PMPCB: variants seen among roughly 807,000 people sequenced by gnomAD.
The protein encoded by PMPCB is peptidase, mitochondrial processing subunit beta, also known as mitochondrial-processing peptidase subunit beta.
A neutral mutation model predicts 61.5 loss-of-function variants in PMPCB; 46 were observed. That is an observed-to-expected ratio of 0.75 (90% CI 0.59 to 0.96). The LOEUF (loss-of-function observed/expected upper bound fraction) is 0.96, where lower values mean the gene tolerates loss of function less well. Among genes scored for constraint, PMPCB ranks in the 40% least tolerant of loss-of-function variants. The pLI is 0.00. For missense variants in PMPCB, 590 were observed against 602.4 expected (o/e 0.98, Z 0.22); for synonymous variants, 191 against 201.6 (o/e 0.95, Z 0.44).
chr7:103,327,891 A>G (rs772675263), intron 12 of PMPCB: 11 of 551,756 alleles, frequency 2.0e-5, no homozygotes, highest in Admixed American at 3.5e-5. Context: ...TGCTTATTCA[A>G]TGTGAAAATT....
At chr7:103,311,311 A>C in intron 9 of PMPCB, 2 of 261,236 alleles carry the variant, frequency 7.7e-6, no homozygotes, top group Non-Finnish European at 1.4e-5. Context: ...TGTTTTCAGA[A>C]ACCAATGAAT....
At chr7:103,345,080 GA>G in the PMPCB span, 1 of 290,452 alleles carries the variant, frequency 3.4e-6, no homozygotes, top group Non-Finnish European at 6.3e-6. Flanking sequence ...AGTAAAAAAT[GA>G]AAATACCTGT....
intron 4 of PMPCB, among the ~76,000 whole-genome samples, chr7:103,301,981 G>T (rs1056981982): frequency 6.6e-6 from 1 of 152,054 alleles, no homozygotes; most frequent in African/African-American, 2.4e-5. Context: ...GCTCCGGTGT[G>T]TGATGTTCCC....
At chr7:103,320,535 C>T (rs1028913099) in intron 12 of PMPCB, among the ~76,000 whole-genome samples, 3 of 151,188 alleles carry the variant, frequency 2.0e-5, no homozygotes, top group East Asian at 2.0e-4. Flanking sequence ...CCGAGGCAGG[C>T]GGATCGTGAG....
intron 1 of PMPCB, chr7:103,297,851 G>A (rs959507861): frequency 6.7e-7 from 1 of 1,482,416 alleles, no homozygotes; most frequent in Admixed American, 2.1e-5. Context: ...TGCAAATTGG[G>A]GAAAACTAAA....
chr7:103,300,588 T>C (rs1285356948), intron 4 of PMPCB, among the ~76,000 whole-genome samples: 1 of 152,242 alleles, frequency 6.6e-6, no homozygotes, highest in African/African-American at 2.4e-5. Flanking sequence ...TTACCATGTT[T>C]GTAGACTGTT....
downstream of PMPCB, among the ~76,000 whole-genome samples, chr7:103,318,493 TA>T (rs1818197805): frequency 6.6e-6 from 1 of 152,220 alleles, no homozygotes; most frequent in Non-Finnish European, 1.5e-5. Context: ...CCCTGGTCAC[TA>T]AAACTTGTGG....
the PMPCB span, chr7:103,344,386 T>A: frequency 1.5e-6 from 1 of 662,290 alleles, no homozygotes; most frequent in South Asian, 1.9e-5. Context: ...TTCCTTCTAA[T>A]CTAGGGTAGG....
chr7:103,302,397 A>G (rs1817474700), intron 4 of PMPCB, among the ~76,000 whole-genome samples: 1 of 152,204 alleles, frequency 6.6e-6, no homozygotes, highest in Admixed American at 6.5e-5. Context: ...AAAGATTCAG[A>G]TTAAAACAGA....
At position 103,312,117 on chromosome 7, in the gene PMPCB, C is replaced by T. The variant is rs528042038; in HGVS notation, c.1391C>T (p.Ala464Val). The change falls in exon 12 of 13, where the codon GCT (alanine) becomes GTT (valine). Residue 464 changes from alanine to valine, a missense_variant. Transcript: ENST00000249269. ...CTKYIYNRSP[A>V]IAAVGPIKQL... ...AAATACATTTATAATAGGAGTCCAG[C>T]TATTGCTGCTGTTGGTAAGCCTGGC... The T allele has an allele frequency of 2.5e-6, 4 of 1,614,054 alleles. No individual in the cohort carries two copies. The highest frequency in any genetic ancestry group is 3.4e-6 in the Non-Finnish European group (4 of 1,179,972).
intron 12 of PMPCB, chr7:103,322,707 T>C: frequency 6.2e-7 from 1 of 1,612,448 alleles, no homozygotes; most frequent in Admixed American, 1.7e-5. Flanking sequence ...ACTTACCAAC[T>C]AATGTTCTTA....
chr7:103,328,086 A>AT (rs1383971423), intron 12 of PMPCB, among the ~76,000 whole-genome samples: 2 of 151,546 alleles, frequency 1.3e-5, no homozygotes, highest in East Asian at 2.0e-4. Flanking sequence ...ATGCCCAGCT[A>AT]TTTTTTTGTA....
chr7:103,346,757 C>G, the PMPCB span, among the ~76,000 whole-genome samples: 1 of 152,018 alleles, frequency 6.6e-6, no homozygotes, highest in Admixed American at 6.6e-5. Flanking sequence ...AGCATAATGT[C>G]TTCAAGGTTC....
At chr7:103,336,197 T>G in the PMPCB span, 1 of 152,190 alleles carries the variant, frequency 6.6e-6, no homozygotes, top group Non-Finnish European at 1.5e-5. Context: ...AACAGAAGCA[T>G]ATGAATGCTT....
chr7:103,311,490 T>C (rs1307873428), intron 9 of PMPCB, 153 bp from the exon 10 acceptor site: 1 of 615,212 alleles, frequency 1.6e-6, no homozygotes, highest in African/African-American at 1.9e-5. Flanking sequence ...AAATTAATAC[T>C]GGGGAAAATA....
chr7:103,323,884 TC>T (rs1328752744), intron 12 of PMPCB, among the ~76,000 whole-genome samples: 1 of 152,200 alleles, frequency 6.6e-6, no homozygotes, highest in Non-Finnish European at 1.5e-5. Context: ...TGCTATCTCT[TC>T]TTTGTTAGGT....
rs766909577 is a variant in PMPCB, at chr7:103,298,637, G to T, written c.169G>T (p.Glu57Ter). 17 of 1,613,820 alleles carry T rather than the reference G, an allele frequency of 1.1e-5. No homozygotes were observed. Among genetic ancestry groups the T allele is most frequent in the Non-Finnish European group, 1.4e-5 (17 of 1,179,682 alleles). Residue 57 changes from glutamate to a stop codon, truncating the protein, a stop_gained, in exon 2 of 13, where the codon GAA (glutamate) becomes TAA (stop). Transcript: ENST00000249269. LOFTEE classifies it high-confidence loss of function. ...AATQVVLNVP[E>*]TRVTCLESGL... ...TACCCAAGTTGTTCTGAATGTTCCT[G>T]AAACAAGAGTAACATGTTTAGAAAG...
At chr7:103,321,791 T>G in intron 12 of PMPCB, 1 of 877,884 alleles carries the variant, frequency 1.1e-6, no homozygotes, top group South Asian at 2.4e-5. Context: ...GAAATTGCGG[T>G]GAACTGAGAT....
the PMPCB span, chr7:103,337,904 G>A: frequency 3.7e-5 from 33 of 899,022 alleles, no homozygotes; most frequent in African/African-American, 5.5e-4. Flanking sequence ...ATTTCCCAAA[G>A]TGACATTTCA....
Sources: allele counts gnomAD v4.1 joint callset (sites outside exome capture counted in the v4.1 genomes callset), GRCh38; gene constraint gnomAD v4.1.1; transcripts MANE v1.5; gene names NCBI Gene and HGNC (gene_info 2026-07-23, HGNC 2026-07-21).